Variants in CERS6 observed in about 807,000 individuals in gnomAD.
CERS6 encodes the protein LAG1 homolog, ceramide synthase 6.
In CERS6, 26 loss-of-function variants were observed where a neutral mutation model predicts 56.8. That is an observed-to-expected ratio of 0.46 (90% CI 0.34 to 0.63). The LOEUF is 0.63. Ranked by LOEUF, CERS6 falls within the 30% of genes least tolerant of loss-of-function variation. The probability of loss-of-function intolerance (pLI) is 0.01; values close to 1 mark genes in which losing one functional copy is unlikely to be tolerated. For synonymous variants in CERS6, 164 were observed against 173.3 expected (o/e 0.95, Z 0.42); for missense variants, 415 against 467.5 (o/e 0.89, Z 1.04).
intron 4 of CERS6, among the ~76,000 whole-genome samples, chr2:168,682,864 C>T (rs1161484491): frequency 6.6e-6 from 1 of 152,180 alleles, no homozygotes; most frequent in African/African-American, 2.4e-5. Context: ...TCCAAAGCAG[C>T]TTACATCCGG....
intron 8 of CERS6, among the ~76,000 whole-genome samples, chr2:168,760,421 G>C (rs1684541082): frequency 6.6e-6 from 1 of 152,116 alleles, no homozygotes; most frequent in Non-Finnish European, 1.5e-5. Context: ...GTGCCCACCA[G>C]ATTAAGGGTG....
rs1053403545 is a variant in CERS6 at position 168,519,355 on chromosome 2, A to T, written c.171-28241A>T. Among the ~76,000 whole-genome samples, 116 of 152,200 alleles carry T rather than the reference A, an allele frequency of 7.6e-4. 2 individuals carry two copies. Among genetic ancestry groups the T allele is most frequent in the Non-Finnish European group, 3.2e-4 (22 of 68,036 alleles). On this transcript the variant is annotated intron_variant, in intron 1 of 9. Transcript: ENST00000305747. ...AATAAAAAAGCAATAGACATTTATG[A>T]TATAATTTTCTTTTAAAAATTTTTT...
chr2:168,511,331 T>C (rs1694783704), intron 1 of CERS6, among the ~76,000 whole-genome samples: 1 of 152,238 alleles, frequency 6.6e-6, no homozygotes, highest in Admixed American at 6.5e-5. Flanking sequence ...ACTTTTCTTA[T>C]CCATCATCTC....
intron 1 of CERS6, among the ~76,000 whole-genome samples, chr2:168,498,487 G>C (rs1694515381): frequency 6.6e-6 from 1 of 152,182 alleles, no homozygotes; most frequent in Non-Finnish European, 1.5e-5. Context: ...CAAGCAGGGT[G>C]GCCGGGTATA....
intron 2 of CERS6, among the ~76,000 whole-genome samples, chr2:168,556,929 A>AAGACC (rs1325631692): frequency 6.9e-6 from 1 of 145,232 alleles, no homozygotes; most frequent in African/African-American, 2.5e-5. Flanking sequence ...CTGAGGTGGG[A>AAGACC]AGACCGCTTG....
At chr2:168,464,433 T>G (rs1693834574) in intron 1 of CERS6, among the ~76,000 whole-genome samples, 1 of 152,134 alleles carries the variant, frequency 6.6e-6, no homozygotes. Context: ...AGTGCTGGGA[T>G]TAGAGGCATA....
intron 1 of CERS6, 136 bp from the exon 2 acceptor site, chr2:168,547,456 AGGAG>A: frequency 3.1e-6 from 2 of 642,418 alleles, no homozygotes; most frequent in Non-Finnish European, 5.5e-6. Context: ...AGTTACTGAC[AGGAG>A]TGTTGACAAT....
chr2:168,697,814 A>G (rs925825650), intron 6 of CERS6, among the ~76,000 whole-genome samples: 2 of 152,216 alleles, frequency 1.3e-5, no homozygotes, highest in African/African-American at 4.8e-5. Context: ...CAGAGTCAAA[A>G]GCAGGAATAG....
At chr2:168,467,026 T>C (rs949062477) in intron 1 of CERS6, among the ~76,000 whole-genome samples, 2 of 152,346 alleles carry the variant, frequency 1.3e-5, no homozygotes, top group African/African-American at 2.4e-5. Context: ...ATTTTCTTTC[T>C]TTCCTTTCCT....
chr2:168,667,474 T>TA (rs1000280879), intron 4 of CERS6, among the ~76,000 whole-genome samples: 3 of 152,262 alleles, frequency 2.0e-5, no homozygotes, highest in African/African-American at 7.2e-5. Flanking sequence ...CTGCACTCGA[T>TA]ATGTTTTGTC....
chr2:168,752,820 T>C (rs1684313454), intron 8 of CERS6, among the ~76,000 whole-genome samples: 1 of 152,208 alleles, frequency 6.6e-6, no homozygotes, highest in Admixed American at 6.5e-5. Context: ...AAAGATGGGA[T>C]CTTGTATGTT....
At chr2:168,724,372 C>T (rs1208564824) in intron 8 of CERS6, among the ~76,000 whole-genome samples, 3 of 152,054 alleles carry the variant, frequency 2.0e-5, no homozygotes, top group Non-Finnish European at 2.9e-5. Context: ...TTGCAAAGAG[C>T]GAAAGAACAA....
intron 2 of CERS6, among the ~76,000 whole-genome samples, chr2:168,554,984 T>C (rs1456872644): frequency 6.6e-6 from 1 of 152,002 alleles, no homozygotes; most frequent in Non-Finnish European, 1.5e-5. Flanking sequence ...AGAAAGAAAT[T>C]CTGATTTACC....
In CERS6 at chr2:168,571,097, G is replaced by T. The variant is rs73969252; in HGVS notation, c.407+9775G>T. Among the ~76,000 whole-genome samples, 750 of 152,232 alleles carry T rather than the reference G, an allele frequency of 4.9e-3. 11 individuals carry two copies. The highest frequency in any genetic ancestry group is 0.017 in the African/African-American group (702 of 41,532). On this transcript the variant is annotated intron_variant, in intron 3 of 9. Coordinates refer to ENST00000305747, the MANE Select transcript of CERS6 (RefSeq NM_203463.3). The stretch of plus-strand genomic sequence containing the variant: ...CTTGTGTCTTACTTTGCCATCAAGA[G>T]AATTACATTTTAGATTGTTGAAAAG...
intron 4 of CERS6, among the ~76,000 whole-genome samples, chr2:168,658,113 T>G (rs1685537232): frequency 6.6e-6 from 1 of 152,216 alleles, no homozygotes; most frequent in Non-Finnish European, 1.5e-5. Context: ...TTACCTAAAC[T>G]TCTCTGTGCC....
chr2:168,692,952 G>A (rs919798084), intron 5 of CERS6, among the ~76,000 whole-genome samples: 15 of 151,916 alleles, frequency 9.9e-5, no homozygotes, highest in African/African-American at 3.4e-4. Context: ...ATTGATAATC[G>A]AACAGACATT....
At chr2:168,540,604 C>T (rs959462965) in intron 1 of CERS6, among the ~76,000 whole-genome samples, 14 of 152,308 alleles carry the variant, frequency 9.2e-5, no homozygotes, top group South Asian at 4.1e-4. Flanking sequence ...GATACTCATA[C>T]AAAGACAAAA....
chr2:168,504,974 G>T (rs1175996733), intron 1 of CERS6, among the ~76,000 whole-genome samples: 1 of 152,150 alleles, frequency 6.6e-6, no homozygotes, highest in African/African-American at 2.4e-5. Context: ...GCCAGGTGCT[G>T]AGTGGCAACT....
intron 5 of CERS6, among the ~76,000 whole-genome samples, chr2:168,694,636 T>G (rs930471489): frequency 6.6e-6 from 1 of 152,194 alleles, no homozygotes. Context: ...ATTAGAATTT[T>G]TTTTCAGGTT....
Sources: allele counts gnomAD v4.1 joint callset (sites outside exome capture counted in the v4.1 genomes callset), GRCh38; gene constraint gnomAD v4.1.1; transcripts MANE v1.5; gene names NCBI Gene and HGNC (gene_info 2026-07-23, HGNC 2026-07-21).